GRB2: variants seen among roughly 807,000 people sequenced by gnomAD.
The protein encoded by GRB2 is growth factor receptor-bound protein 2.
GRB2 carries 2 observed loss-of-function variants against 27.4 expected under a neutral mutation model. The observed-to-expected ratio is 0.07, with a 90% CI of 0.03 to 0.23. The LOEUF is 0.23. Ranked by LOEUF, GRB2 falls within the 10% of genes least tolerant of loss-of-function variation. The probability of loss-of-function intolerance (pLI) is 1.00; values close to 1 mark genes in which losing one functional copy is unlikely to be tolerated. For synonymous variants in GRB2, 94 were observed against 99.6 expected, an observed-to-expected ratio of 0.94 and a Z score of 0.33; for missense variants, 102 against 282.4, an observed-to-expected ratio of 0.36 and a Z score of 4.58.
chr17:75,328,400 G>A (rs554976703), intron 3 of GRB2, among the ~76,000 whole-genome samples: 7 of 152,208 alleles, frequency 4.6e-5, no homozygotes, highest in African/African-American at 1.7e-4. Context: ...CAGCACTTTG[G>A]GAGGCCGAGG....
At chr17:75,366,887 C>G (rs1459659939) in intron 2 of GRB2, among the ~76,000 whole-genome samples, 1 of 151,904 alleles carries the variant, frequency 6.6e-6, no homozygotes, top group Non-Finnish European at 1.5e-5. Context: ...CTTCTTAAAT[C>G]TCTAATAACT....
intron 2 of GRB2, chr17:75,371,182 T>G (rs1042939923): frequency 2.6e-5 from 4 of 151,838 alleles, no homozygotes; most frequent in African/African-American, 9.7e-5. Flanking sequence ...TAACACTGAT[T>G]AAGTATTCTT....
At chr17:75,379,458 G>A (rs1234322053) in intron 2 of GRB2, among the ~76,000 whole-genome samples, 1 of 149,636 alleles carries the variant, frequency 6.7e-6, no homozygotes, top group African/African-American at 2.4e-5. Flanking sequence ...GAGTACAGTG[G>A]GGCAAACATA....
rs2078446474 is a variant in GRB2, at chr17:75,319,927, A to G, written c.*441T>C. On this transcript the variant is annotated 3_prime_UTR_variant, in exon 6 of 6. Coordinates refer to ENST00000316804, the MANE Select transcript of GRB2 (RefSeq NM_002086.5). ...CCTGCCCGCTCCTTTTTGTGTGTATATACGAAGAACACAGGAACAGCTGTT... is the reference window on the plus strand; with the variant it reads ...CCTGCCCGCTCCTTTTTGTGTGTATGTACGAAGAACACAGGAACAGCTGTT... 6.2e-6 allele frequency: 1 copy of G among 161,930 alleles called. No homozygotes were observed. The highest frequency in any genetic ancestry group is 1.4e-5 in the Non-Finnish European group (1 of 73,066). 10.0% of individuals were successfully genotyped at this position (161,930 alleles called of 1,614,324 possible). A position where few individuals can be genotyped will look rare whatever the true frequency, so the allele number is the denominator to read the frequency against.
rs1567874243 is a variant in GRB2, at chr17:75,385,043, AAAAAAAAAAAAAAAAG to A, written c.78+8492_78+8507del. ...CCTGGCTCTACCAAAAAAAAAAAAA[AAAAAAAAAAAAAAAAG>A]CAAACAAACAAACAAACAAAAAAAC... On this transcript the variant is annotated intron_variant, in intron 2 of 5. Coordinates refer to ENST00000316804, the MANE Select transcript of GRB2 (RefSeq NM_002086.5). Among the ~76,000 whole-genome samples the A allele has an allele frequency of 6.5e-4, 55 of 84,570 alleles. 1 individual carries two copies. Among genetic ancestry groups the A allele is most frequent in the African/African-American group, 1.4e-3 (52 of 36,084 alleles). 55.5% of individuals were successfully genotyped at this position (84,570 alleles called of 152,430 possible). A position where few individuals can be genotyped will look rare whatever the true frequency, so the allele number is the denominator to read the frequency against.
rs1056531517 is a variant in GRB2, at chr17:75,318,221, G to A, written c.*2147C>T. On this transcript the variant is annotated 3_prime_UTR_variant, in exon 6 of 6. Transcript: ENST00000316804. ...ATACACACAAAACTTAGTTCAGCAA[G>A]GCTTCATGATATACACCAATTCCAA... 6.6e-6 allele frequency: 1 copy of A among 152,234 alleles called. No homozygotes were observed. The highest frequency in any genetic ancestry group is 1.5e-5 in the Non-Finnish European group (1 of 68,024). 9.4% of individuals were successfully genotyped at this position (152,234 alleles called of 1,614,324 possible). A position where few individuals can be genotyped will look rare whatever the true frequency, so the allele number is the denominator to read the frequency against.
At chr17:75,382,394 TTAACTGAA>T (rs2078935008) in intron 2 of GRB2, among the ~76,000 whole-genome samples, 2 of 152,250 alleles carry the variant, frequency 1.3e-5, no homozygotes, top group Non-Finnish European at 2.9e-5. Context: ...TGTATATCCC[TTAACTGAA>T]TAAGCGACCA....
intron 2 of GRB2, chr17:75,387,589 G>A (rs1567875043): frequency 1.3e-5 from 2 of 152,056 alleles, no homozygotes; most frequent in African/African-American, 4.8e-5. Flanking sequence ...TTGAGGTCAG[G>A]AGTTTAAGAC....
chr17:75,341,215 T>A (rs1468338636), intron 2 of GRB2, among the ~76,000 whole-genome samples: 1 of 152,048 alleles, frequency 6.6e-6, no homozygotes, highest in African/African-American at 2.4e-5. Context: ...GTGGATCACC[T>A]GAGGTCAGGA....
At position 75,320,644 on chromosome 17, in the gene GRB2, T is replaced by C. The variant is rs1357626139; in HGVS notation, c.469-91A>G. The C allele has an allele frequency of 4.5e-6, 4 of 883,258 alleles. No individual in the cohort carries two copies. Among genetic ancestry groups the C allele is most frequent in the Admixed American group, 4.5e-5 (2 of 44,048 alleles). The allele number at this position is 883,258 out of a possible 1,614,324, so 54.7% of individuals were successfully genotyped here. A position where few individuals can be genotyped will look rare whatever the true frequency, so the allele number is the denominator to read the frequency against. On this transcript the variant is annotated intron_variant, in intron 5 of 5. Coordinates refer to ENST00000316804, the MANE Select transcript of GRB2 (RefSeq NM_002086.5). This position sits in a 1 kb window ranked among gnomAD's most constrained non-coding sequence, Gnocchi z 4.3. Reference sequence around the variant, plus strand: ...CAGATGGGTTCCAGGGGGAAACGAATGCGTGCCAAATTCTCCATGTTTCTT... The same window carrying C: ...CAGATGGGTTCCAGGGGGAAACGAACGCGTGCCAAATTCTCCATGTTTCTT...
intron 2 of GRB2, among the ~76,000 whole-genome samples, chr17:75,341,605 G>A (rs191272664): frequency 2.0e-4 from 31 of 152,140 alleles, no homozygotes; most frequent in Non-Finnish European, 3.1e-4. Context: ...AAGGAGGAAG[G>A]AAAGACAGGG....
At chr17:75,403,183 T>C (rs939071273) in intron 1 of GRB2, among the ~76,000 whole-genome samples, 1 of 145,970 alleles carries the variant, frequency 6.9e-6, no homozygotes, top group Admixed American at 6.9e-5. Context: ...TATATATATA[T>C]ATACAGACTC....
At chr17:75,337,111 G>A (rs901686357) in intron 2 of GRB2, among the ~76,000 whole-genome samples, 16 of 152,098 alleles carry the variant, frequency 1.1e-4, no homozygotes, top group African/African-American at 1.9e-4. Flanking sequence ...AGAATATCAC[G>A]TTATCAGATA....
intron 2 of GRB2, among the ~76,000 whole-genome samples, chr17:75,334,697 T>A (rs1481512729): frequency 6.6e-6 from 1 of 152,164 alleles, no homozygotes; most frequent in Non-Finnish European, 1.5e-5. Context: ...CCTGGCAGTT[T>A]GGAAGGCTAA....
chr17:75,378,662 G>A (rs1038385337), intron 2 of GRB2, among the ~76,000 whole-genome samples: 1 of 152,120 alleles, frequency 6.6e-6, no homozygotes, highest in African/African-American at 2.4e-5. Flanking sequence ...CTTAAACATG[G>A]CAGATTGGAC....
chr17:75,399,893 A>C (rs2145877358), intron 1 of GRB2, among the ~76,000 whole-genome samples: 1 of 150,518 alleles, frequency 6.6e-6, no homozygotes, highest in Non-Finnish European at 1.5e-5. Context: ...GATGGTCTCG[A>C]TCTCCTGACC....
chr17:75,386,996 C>G (rs2078968339), intron 2 of GRB2, among the ~76,000 whole-genome samples: 1 of 36,652 alleles, frequency 2.7e-5, no homozygotes, highest in Non-Finnish European at 1.6e-4. Flanking sequence ...TAACTAAAAA[C>G]ACACACACAC....
intron 2 of GRB2, among the ~76,000 whole-genome samples, chr17:75,348,480 A>AGT (rs1341406414): frequency 6.6e-6 from 1 of 152,238 alleles, no homozygotes. Flanking sequence ...ATATTGTTCA[A>AGT]GTGTCTACTA....
intron 3 of GRB2, among the ~76,000 whole-genome samples, chr17:75,330,367 C>T (rs1040585236): frequency 3.3e-5 from 5 of 151,312 alleles, no homozygotes; most frequent in South Asian, 4.2e-4. Context: ...GGCGACAGAG[C>T]GAGACTCCAT....
Sources: allele counts gnomAD v4.1 joint callset (sites outside exome capture counted in the v4.1 genomes callset), GRCh38; gene constraint gnomAD v4.1.1; non-coding constraint Gnocchi (gnomAD v3.1); transcripts MANE v1.5; gene names NCBI Gene and HGNC (gene_info 2026-07-23, HGNC 2026-07-21).